Variants in ZMYND11 observed in about 807,000 individuals in gnomAD.
ZMYND11 encodes zinc finger MYND domain-containing protein 11.
A neutral mutation model predicts 84.9 loss-of-function variants in ZMYND11; 9 were observed. That is an observed-to-expected ratio of 0.11 (90% CI 0.06 to 0.18). ZMYND11 has a LOEUF of 0.18. ZMYND11 is among the 10% of genes least tolerant of loss of function. The pLI, the probability that ZMYND11 is intolerant of heterozygous loss-of-function variation, is 1.00. For synonymous variants in ZMYND11, 250 were observed against 244.1 expected (o/e 1.02, Z -0.23); for missense variants, 409 against 761.0 (o/e 0.54, Z 5.44).
At chr10:246,064 GAA>G (rs1184217549) in intron 10 of ZMYND11, among the ~76,000 whole-genome samples, 2 of 152,110 alleles carry the variant, frequency 1.3e-5, no homozygotes, top group Non-Finnish European at 2.9e-5. Flanking sequence ...TTTAAGCCGA[GAA>G]AGAGACCAAT....
At chr10:144,441 C>G (rs949146127) in intron 1 of ZMYND11, among the ~76,000 whole-genome samples, 1 of 151,900 alleles carries the variant, frequency 6.6e-6, no homozygotes, top group African/African-American at 2.4e-5. Flanking sequence ...AGGATCATCT[C>G]GAACACCTAG....
In ZMYND11 at chr10:200,431, A is replaced by G. The variant is rs573488125; in HGVS notation, c.117-9458A>G. Reference sequence around the variant, plus strand: ...CCCTATATATATAATAATATATGTTATAATAAATATGTGTGTATATATTTA... The same window carrying G: ...CCCTATATATATAATAATATATGTTGTAATAAATATGTGTGTATATATTTA... On this transcript the variant is annotated intron_variant, in intron 2 of 14. Transcript: ENST00000381604. Among the ~76,000 whole-genome samples the G allele has an allele frequency of 9.3e-4, 137 of 147,946 alleles. 1 individual carries two copies. The highest frequency in any genetic ancestry group is 3.3e-3 in the African/African-American group (133 of 40,414).
intron 4 of ZMYND11, 152 bp downstream of exon 4, chr10:221,508 A>C: frequency 1.4e-6 from 1 of 695,456 alleles, no homozygotes; most frequent in Non-Finnish European, 2.3e-6. Context: ...TCATAAATGG[A>C]CATCACAGAA....
At chr10:220,157 C>T (rs771162619) in intron 3 of ZMYND11, among the ~76,000 whole-genome samples, 1 of 152,018 alleles carries the variant, frequency 6.6e-6, no homozygotes, top group Non-Finnish European at 1.5e-5. Flanking sequence ...AAAGCTGTTC[C>T]ACCTTGGAAA....
At chr10:159,146 A>C (rs544346245) in intron 1 of ZMYND11, among the ~76,000 whole-genome samples, 1 of 143,078 alleles carries the variant, frequency 7.0e-6, no homozygotes. Context: ...AGCTGACTGT[A>C]CTCCACTGTA....
intron 3 of ZMYND11, among the ~76,000 whole-genome samples, chr10:219,808 C>G (rs1946816963): frequency 1.3e-5 from 2 of 152,142 alleles, no homozygotes; most frequent in South Asian, 4.1e-4. Context: ...GTGTATACAT[C>G]TGTAGCAAAT....
chr10:216,519 G>A (rs977044503), intron 3 of ZMYND11, among the ~76,000 whole-genome samples: 4 of 151,934 alleles, frequency 2.6e-5, no homozygotes, highest in African/African-American at 9.7e-5. Flanking sequence ...ATGTTTATGG[G>A]GTGTGAGATA....
intron 1 of ZMYND11, among the ~76,000 whole-genome samples, chr10:136,329 G>A (rs575957707): frequency 6.6e-6 from 1 of 152,222 alleles, no homozygotes; most frequent in Non-Finnish European, 1.5e-5. Flanking sequence ...CGATGTGTGC[G>A]CCGTGCCCGG....
intron 10 of ZMYND11, among the ~76,000 whole-genome samples, chr10:244,089 A>ATTTTCCT (rs985057294): frequency 6.6e-6 from 1 of 152,166 alleles, no homozygotes; most frequent in Admixed American, 6.5e-5. Context: ...GTGTAAAATC[A>ATTTTCCT]TTTTCCTTTT....
intron 4 of ZMYND11, among the ~76,000 whole-genome samples, chr10:226,883 CAAAGT>C (rs906475020): frequency 3.3e-5 from 5 of 152,034 alleles, no homozygotes; most frequent in African/African-American, 7.2e-5. Context: ...TCACAAAAGA[CAAAGT>C]AAATAAGTCA....
intron 2 of ZMYND11, 97 bp from the exon 3 acceptor site, chr10:209,792 G>A: frequency 8.2e-7 from 1 of 1,221,406 alleles, no homozygotes. Flanking sequence ...ATAAATACAA[G>A]TCATAATGAA....
At chr10:196,763 T>C (rs1344368999) in intron 2 of ZMYND11, among the ~76,000 whole-genome samples, 1 of 152,224 alleles carries the variant, frequency 6.6e-6, no homozygotes, top group Admixed American at 6.5e-5. Context: ...CCTGTTTCAT[T>C]GTAAGACATT....
chr10:252,200 T>A lies in ZMYND11; in HGVS notation c.1687-148T>A, dbSNP rs1437708627. On this transcript the variant is annotated intron_variant, in intron 14 of 14. Coordinates refer to ENST00000381604, the MANE Select transcript of ZMYND11 (RefSeq NM_001370100.5). This position sits in a 1 kb window ranked among gnomAD's most constrained non-coding sequence, Gnocchi z 4.6. ...AGTCATCCCCAGGGCTCCCTTTCCA[T>A]CTGCTGTGCATAAAACGTATTCAGA... 3 of 948,812 alleles carry A rather than the reference T, an allele frequency of 3.2e-6. No homozygotes were observed. The highest frequency in any genetic ancestry group is 1.7e-5 in the African/African-American group (1 of 59,494). The allele number at this position is 948,812 out of a possible 1,614,324, so 58.8% of individuals were successfully genotyped here.
chr10:226,958 C>G (rs1243984271), intron 4 of ZMYND11, among the ~76,000 whole-genome samples: 9 of 152,126 alleles, frequency 5.9e-5, no homozygotes, highest in Admixed American at 5.9e-4. Flanking sequence ...AAAGACTCGT[C>G]CCCTACAAAT....
intron 3 of ZMYND11, among the ~76,000 whole-genome samples, chr10:220,746 T>G (rs1055119451): frequency 1.3e-5 from 2 of 150,048 alleles, no homozygotes; most frequent in Non-Finnish European, 3.0e-5. Flanking sequence ...GCATCACCAG[T>G]TATTACTATT....
At chr10:204,814 T>G (rs1299297164) in intron 2 of ZMYND11, among the ~76,000 whole-genome samples, 1 of 152,020 alleles carries the variant, frequency 6.6e-6, no homozygotes, top group African/African-American at 2.4e-5. Flanking sequence ...TGTCTTCATA[T>G]TAAATCTTCC....
chr10:144,760 C>T (rs1467355887), intron 1 of ZMYND11, among the ~76,000 whole-genome samples: 1 of 144,740 alleles, frequency 6.9e-6, no homozygotes, highest in Non-Finnish European at 1.5e-5. Context: ...TATGCATACA[C>T]ATTTCATTAG....
At chr10:134,024 C>T (rs1835409810), upstream of ZMYND11, among the ~76,000 whole-genome samples, 9 of 152,148 alleles carry the variant, frequency 5.9e-5, no homozygotes, top group Admixed American at 5.9e-4. Flanking sequence ...ATTCCTACAA[C>T]CGTCTCTTCC....
chr10:216,879 ATAAG>A (rs1946273800), intron 3 of ZMYND11, among the ~76,000 whole-genome samples: 2 of 152,110 alleles, frequency 1.3e-5, no homozygotes, highest in Admixed American at 6.5e-5. Flanking sequence ...TATTTTAAAT[ATAAG>A]TAATATTTAA....
Sources: gnomAD v4.1 joint callset for allele counts (sites outside exome capture counted in the v4.1 genomes callset) on GRCh38, gnomAD v4.1.1 for gene constraint, Gnocchi (gnomAD v3.1) non-coding constraint, MANE v1.5 for transcripts, NCBI Gene and HGNC (gene_info 2026-07-23, HGNC 2026-07-21) for gene names.